The following CROCC2 variants were observed in gnomAD, a reference collection of about 807,000 sequenced individuals.
CROCC2 encodes ciliary rootlet coiled-coil, rootletin family member 2, also known as ciliary rootlet coiled-coil protein 2.
A neutral mutation model predicts 177.6 loss-of-function variants in CROCC2; 163 were observed. The ratio of observed to expected loss-of-function variants is 0.92; its 90% confidence interval spans 0.81 to 1.05. The LOEUF (loss-of-function observed/expected upper bound fraction) is 1.05. Ranked by LOEUF, CROCC2 falls within the 50% of genes least tolerant of loss-of-function variation. The pLI is 0.00. For synonymous variants in CROCC2, 904 were observed against 787.3 expected (o/e 1.15, Z -2.48); for missense variants, 1,929 against 1,797.8 (o/e 1.07, Z -1.32).
chr2:240,919,903 C>T (rs1006815634), intron 2 of CROCC2, 80 bp from the exon 3 acceptor site: 3 of 580,432 alleles, frequency 5.2e-6, no homozygotes, highest in African/African-American at 3.8e-5. Flanking sequence ...AGCCCAGGGT[C>T]CCACCGTGGA....
chr2:240,946,220 G>A lies in CROCC2; in HGVS notation c.2330G>A (p.Gly777Asp), dbSNP rs898740079. ...AAGCAGGAGGCCTTGGAGAGGCAGG[G>A]CCGGCTCGCAGCTGAAGAGGCAGCT... ...LAKQEALERQ[G>D]RLAAEEAADL... Residue 777 changes from glycine to aspartate, a missense_variant, in exon 15 of 32, where the codon GGC (glycine) becomes GAC (aspartate). Coordinates refer to ENST00000690015, the MANE Select transcript of CROCC2 (RefSeq NM_001351305.2). 2 of 1,541,512 alleles carry A rather than the reference G, an allele frequency of 1.3e-6. No homozygotes were observed. Among genetic ancestry groups the A allele is most frequent in the African/African-American group, 1.4e-5 (1 of 72,918 alleles).
At chr2:240,975,579 G>A (rs533967415) in intron 27 of CROCC2, among the ~76,000 whole-genome samples, 17 of 152,286 alleles carry the variant, frequency 1.1e-4, no homozygotes, top group African/African-American at 3.4e-4. Flanking sequence ...TGTGCAGCCG[G>A]CAGGACGCTT....
At position 240,968,235 on chromosome 2, in the gene CROCC2, G is replaced by A. The variant is rs181543299; in HGVS notation, c.4374G>A (p.Ala1458=). The A allele has an allele frequency of 2.8e-4, 423 of 1,532,616 alleles. No homozygotes were observed. Among genetic ancestry groups the A allele is most frequent in the African/African-American group, 2.3e-3 (168 of 73,040 alleles). The allele number at this position is 1,532,616 out of a possible 1,614,324, so 94.9% of individuals were successfully genotyped here. ...LELEHLASVR[A]AGQEKRRLQE... is the part of the protein sequence containing the mutation. ...TGGAGCACCTGGCGAGCGTGCGTGC[G>A]GCAGGCCAGGAGAAGCGGCGGCTGC... The change falls in exon 27 of 32, where the codon GCG becomes GCA. Residue 1458 remains alanine, a synonymous_variant. Coordinates refer to ENST00000690015, the MANE Select transcript of CROCC2 (RefSeq NM_001351305.2).
chr2:240,950,606 C>CGGTTGGACCTGCCTA, intron 18 of CROCC2, 96 bp downstream of exon 18: 2 of 1,296,944 alleles, frequency 1.5e-6, no homozygotes, highest in South Asian at 1.5e-5. Context: ...ACACCTTAGG[C>CGGTTGGACCTGCCTA]AGGTCCAACC....
At chr2:240,983,532 C>A (rs1336267710) in intron 28 of CROCC2, 2 of 1,262,870 alleles carry the variant, frequency 1.6e-6, no homozygotes, top group Middle Eastern at 3.2e-4. Flanking sequence ...ACCGAGCGGG[C>A]GCGTCTGCAG....
intron 27 of CROCC2, among the ~76,000 whole-genome samples, chr2:240,974,574 T>C (rs529512255): frequency 2.3e-4 from 35 of 150,618 alleles, no homozygotes; most frequent in African/African-American, 7.6e-4. Flanking sequence ...TAAACCATGT[T>C]GCCTAGGCTA....
intron 28 of CROCC2, chr2:240,983,631 C>G (rs762520363): frequency 7.8e-7 from 1 of 1,284,194 alleles, no homozygotes; most frequent in African/African-American, 1.5e-5. Flanking sequence ...TGGCTGGGGT[C>G]CGCAGGGGCG....
intron 12 of CROCC2, 104 bp downstream of exon 12, chr2:240,934,579 C>A: frequency 8.2e-7 from 1 of 1,221,520 alleles, no homozygotes. Flanking sequence ...CTGCCGGGCC[C>A]CTCAGCCCAT....
At chr2:240,974,902 G>A (rs2059748626) in intron 27 of CROCC2, among the ~76,000 whole-genome samples, 3 of 152,150 alleles carry the variant, frequency 2.0e-5, no homozygotes, top group African/African-American at 7.2e-5. Context: ...GAAAGCATGA[G>A]TGTGTGTTTG....
intron 20 of CROCC2, among the ~76,000 whole-genome samples, chr2:240,962,094 A>ACG (rs2059646315): frequency 6.6e-6 from 1 of 151,450 alleles, no homozygotes; most frequent in Non-Finnish European, 1.5e-5. Context: ...ACACACACAC[A>ACG]CACTCTCACC....
intron 24 of CROCC2, 71 bp from the exon 25 acceptor site, chr2:240,966,154 G>A: frequency 2.4e-6 from 3 of 1,243,776 alleles, no homozygotes. Context: ...GGGCAGCAGA[G>A]AGGAAAGGGG....
chr2:240,933,609 G>A, intron 10 of CROCC2, 61 bp from the exon 11 acceptor site: 3 of 1,509,946 alleles, frequency 2.0e-6, no homozygotes, highest in Non-Finnish European at 2.7e-6. Flanking sequence ...TGCCCACCAA[G>A]GCACGCGGTG....
intron 21 of CROCC2, chr2:240,964,247 A>G: frequency 5.0e-6 from 3 of 599,658 alleles, no homozygotes; most frequent in Non-Finnish European, 9.0e-6. Flanking sequence ...GAGGGGCTGA[A>G]GAGGTGGATA....
chr2:240,991,938 C>T (rs2059882827), intron 31 of CROCC2, among the ~76,000 whole-genome samples: 1 of 152,224 alleles, frequency 6.6e-6, no homozygotes, highest in African/African-American at 2.4e-5. Flanking sequence ...GAACTGCGGC[C>T]GTCACGGTGG....
At chr2:240,981,072 C>G (rs2059795115) in intron 27 of CROCC2, among the ~76,000 whole-genome samples, 1 of 127,204 alleles carries the variant, frequency 7.9e-6, no homozygotes, top group Non-Finnish European at 1.6e-5. Flanking sequence ...GGTCAGGAGC[C>G]TCAGGATCCC....
At position 240,982,191 on chromosome 2, in the gene CROCC2, C is replaced by G. The variant is rs2059805661; in HGVS notation, c.4402-689C>G. The G allele has an allele frequency of 6.6e-6, 1 of 152,092 alleles. No homozygotes were observed. Among genetic ancestry groups the G allele is most frequent in the African/African-American group, 2.4e-5 (1 of 41,344 alleles). The allele number at this position is 152,092 out of a possible 1,614,324, so 9.4% of individuals were successfully genotyped here. On this transcript the variant is annotated intron_variant, in intron 27 of 31. Coordinates refer to ENST00000690015, the MANE Select transcript of CROCC2 (RefSeq NM_001351305.2). The surrounding 1 kb of genome is among the most constrained non-coding windows in gnomAD (Gnocchi z 4.7). ...AGGCAGTGGCATGGCCGATGATAGT[C>G]AAGTGAAATGCACCCTCAGCCATCA...
rs1574770743 is a variant in CROCC2 at position 240,950,318 on chromosome 2, C to T, written c.2653-16C>T. ...ACCTGCCGGACCTCACAGCCCATCC[C>T]TTTACCTTGGCCCAGGAGACCCTGA... On this transcript the variant is annotated splice_polypyrimidine_tract_variant and intron_variant, in intron 17 of 31. Transcript: ENST00000690015. 1 of 1,547,916 alleles carries T rather than the reference C, an allele frequency of 6.5e-7. No homozygotes were observed. Among genetic ancestry groups the T allele is most frequent in the Non-Finnish European group, 8.7e-7 (1 of 1,145,854 alleles).
chr2:240,985,892 CCCCCA>C, intron 28 of CROCC2: 1 of 452,946 alleles, frequency 2.2e-6, no homozygotes, highest in African/African-American at 2.0e-5. Context: ...GCATGCAGGG[CCCCCA>C]CCTGGCAGGT....
At chr2:240,951,313 A>G (rs1385430871) in intron 18 of CROCC2, among the ~76,000 whole-genome samples, 2 of 151,192 alleles carry the variant, frequency 1.3e-5, no homozygotes, top group African/African-American at 2.4e-5. Context: ...CCATCCATCC[A>G]TCCACCCATC....
Sources: allele counts gnomAD v4.1 joint callset (sites outside exome capture counted in the v4.1 genomes callset), GRCh38; gene constraint gnomAD v4.1.1; non-coding constraint Gnocchi (gnomAD v3.1); transcripts MANE v1.5; gene names NCBI Gene and HGNC (gene_info 2026-07-23, HGNC 2026-07-21).